The following GPC4 variants were observed in gnomAD, a reference collection of about 807,000 sequenced individuals.
GPC4 encodes the protein glypican-4.
GPC4 carries 10 observed loss-of-function variants against 35.0 expected under a neutral mutation model. That is an observed-to-expected ratio of 0.29 (90% CI 0.18 to 0.48). GPC4 has a LOEUF of 0.48. Among genes scored for constraint, GPC4 ranks in the 20% least tolerant of loss-of-function variants. The pLI is 0.99. For synonymous variants in GPC4, 167 were observed against 170.2 expected, an observed-to-expected ratio of 0.98 and a Z score of 0.15; for missense variants, 322 against 451.3, an observed-to-expected ratio of 0.71 and a Z score of 2.60.
At chrX:133,333,021 G>A (rs1170776436) in intron 2 of GPC4, among the ~76,000 whole-genome samples, 1 of 112,220 alleles carries the variant, frequency 8.9e-6, no homozygotes, top group Non-Finnish European at 1.9e-5. Flanking sequence ...CCATTGCTCT[G>A]CTAATTCTTT....
intron 3 of GPC4, among the ~76,000 whole-genome samples, chrX:133,323,609 A>T (rs1381225397): frequency 1.8e-5 from 2 of 112,834 alleles, no homozygotes; most frequent in Non-Finnish European, 3.7e-5. Context: ...GTAATTCTGC[A>T]GAGTCATGAG....
At position 133,335,443 on chromosome X, in the gene GPC4, G is replaced by T. The variant is rs754674224; in HGVS notation, c.319+3740C>A. On this transcript the variant is annotated intron_variant, in intron 2 of 8. Transcript: ENST00000370828. ...GTTCTCTTGTACGTCACCCAAATCCGAACACACACACACATACACACACAC... is the reference window on the plus strand; with the variant it reads ...GTTCTCTTGTACGTCACCCAAATCCTAACACACACACACATACACACACAC... Among the ~76,000 whole-genome samples, 3 of 110,545 alleles carry T rather than the reference G, an allele frequency of 2.7e-5. No individual in the cohort carries two copies. In the South Asian group the frequency reaches 1.2e-3, roughly 44 times the overall value.
chrX:133,317,813 T>G (rs972587059), intron 3 of GPC4, among the ~76,000 whole-genome samples: 1 of 111,659 alleles, frequency 9.0e-6, no homozygotes, highest in Admixed American at 9.5e-5. Context: ...TGCCATGGGA[T>G]GTGATGAGTT....
At chrX:133,397,983 G>C (rs2068751894) in intron 1 of GPC4, among the ~76,000 whole-genome samples, 1 of 111,610 alleles carries the variant, frequency 9.0e-6, no homozygotes, top group Non-Finnish European at 1.9e-5. Flanking sequence ...AGAATCACTT[G>C]AACCCAGGAT....
chrX:133,309,513 C>A (rs889980378), intron 4 of GPC4, among the ~76,000 whole-genome samples: 1 of 112,731 alleles, frequency 8.9e-6, no homozygotes, highest in African/African-American at 3.2e-5. Context: ...ATAGTTGCTG[C>A]TAGACATGTT....
intron 1 of GPC4, among the ~76,000 whole-genome samples, chrX:133,347,027 ATAT>A (rs373313840): frequency 7.2e-5 from 8 of 111,002 alleles, no homozygotes; most frequent in African/African-American, 2.6e-4. Flanking sequence ...ATTATTTGTT[ATAT>A]TAACTATATC....
intron 3 of GPC4, among the ~76,000 whole-genome samples, chrX:133,322,496 G>T (rs1424443085): frequency 9.3e-6 from 1 of 107,129 alleles, no homozygotes; most frequent in Admixed American, 1.0e-4. Flanking sequence ...GGAAGTGGAG[G>T]TTGCAGTGAG....
At chrX:133,351,207 G>A (rs1410108826) in intron 1 of GPC4, among the ~76,000 whole-genome samples, 1 of 111,616 alleles carries the variant, frequency 9.0e-6, no homozygotes, top group Non-Finnish European at 1.9e-5. Flanking sequence ...ATTTTGGAGT[G>A]AAAGCCACTA....
intron 1 of GPC4, among the ~76,000 whole-genome samples, chrX:133,373,558 G>C (rs1017606931): frequency 3.2e-4 from 36 of 111,571 alleles, no homozygotes; most frequent in African/African-American, 1.1e-3. Flanking sequence ...TCAGCGCTGA[G>C]GTTACAAAAT....
rs1434885853 is a variant in GPC4, at chrX:133,304,752, T to C, written c.1265A>G (p.Asp422Gly). 1 of 1,211,731 alleles carries C rather than the reference T, an allele frequency of 8.3e-7. No homozygotes were observed. Among genetic ancestry groups the C allele is most frequent in the African/African-American group, 1.7e-5 (1 of 57,822 alleles). Residue 422 changes from aspartate (D) to glycine (G), a missense_variant, in exon 7 of 9, where the codon GAC (aspartate) becomes GGC (glycine). By Grantham distance (94) the Asp-to-Gly change is moderately conservative. Around this residue, in one of 3 missense-constraint regions of GPC4, gnomAD observed 99 missense variants for 110.0 expected, o/e 0.90. Transcript: ENST00000370828. ...RMAAGNGNED[D>G]CWNGKGKSRY... Reference sequence around the variant, plus strand: ...GCTTTTGCCTTTCCCATTCCAACAGTCATCCTCATTGCCGTTTCCTGCAGC... The same window carrying C: ...GCTTTTGCCTTTCCCATTCCAACAGCCATCCTCATTGCCGTTTCCTGCAGC...
In GPC4 at chrX:133,368,140, T is replaced by G. The variant is rs369071391; in HGVS notation, c.161-28799A>C. 3.9e-4 allele frequency among the ~76,000 whole-genome samples: 44 copies of G among 111,906 alleles called. No individual in the cohort carries two copies. The East Asian group carries it at 0.011, about 29-fold the overall frequency. ...CTTTTTTAAAAATGTAAAAAGAAAA[T>G]TATCTATTTGCTGAGATTCTTTTGA... On this transcript the variant is annotated intron_variant, in intron 1 of 8. Transcript: ENST00000370828.
At chrX:133,373,320 C>A (rs2068621136) in intron 1 of GPC4, among the ~76,000 whole-genome samples, 1 of 111,034 alleles carries the variant, frequency 9.0e-6, no homozygotes, top group Admixed American at 9.6e-5. Context: ...ATGGGATGCA[C>A]CTAGAATTTA....
At chrX:133,356,958 A>T (rs1428656416) in intron 1 of GPC4, among the ~76,000 whole-genome samples, 3 of 111,795 alleles carry the variant, frequency 2.7e-5, no homozygotes, top group African/African-American at 9.8e-5. Context: ...GTGGGAAATT[A>T]GCTATAAATG....
rs1007976411 is a variant in GPC4, at chrX:133,388,948, T to C, written c.160+25858A>G. 7.3e-5 allele frequency among the ~76,000 whole-genome samples: 6 copies of C among 82,035 alleles called. No homozygotes were observed. In the East Asian group the frequency reaches 1.2e-3, roughly 17 times the overall value. 71.2% of individuals were successfully genotyped at this position (82,035 alleles called of 115,157 possible). Reference sequence around the variant, plus strand: ...GCCTCAGCACCAGCACAGCTACCCATAGCCTTTTTTTTTTTTTTTTTTTTT... The same window carrying C: ...GCCTCAGCACCAGCACAGCTACCCACAGCCTTTTTTTTTTTTTTTTTTTTT... On this transcript the variant is annotated intron_variant, in intron 1 of 8. Transcript: ENST00000370828.
intron 3 of GPC4, among the ~76,000 whole-genome samples, chrX:133,323,293 A>C (rs551116382): frequency 8.1e-4 from 91 of 111,750 alleles, no homozygotes; most frequent in African/African-American, 2.7e-3. Context: ...AGCCTGAACA[A>C]CATGGTGAAA....
At chrX:133,320,315 A>G (rs991625717) in intron 3 of GPC4, among the ~76,000 whole-genome samples, 2 of 111,908 alleles carry the variant, frequency 1.8e-5, no homozygotes, top group Non-Finnish European at 3.8e-5. Flanking sequence ...AAAAATTGTT[A>G]GGGTTATATT....
At position 133,300,299 on chromosome X, in the gene GPC4, A is replaced by G. The variant is rs1306854521; in HGVS notation, c.*2568T>C. On this transcript the variant is annotated 3_prime_UTR_variant, in exon 9 of 9. Coordinates refer to ENST00000370828, the MANE Select transcript of GPC4 (RefSeq NM_001448.3). ...TAAAATATAAATCTAAGAGTTGTAA[A>G]ATCTTTAAGGTACAGAGTAGGTGAT... is the stretch of plus-strand genomic sequence containing the variant. 3 of 112,458 alleles carry G rather than the reference A, an allele frequency of 2.7e-5. No homozygotes were observed. The highest frequency in any genetic ancestry group is 9.5e-5 in the Admixed American group (1 of 10,581). The allele number at this position is 112,458 out of a possible 1,213,427, so 9.3% of individuals were successfully genotyped here.
chrX:133,414,520 G>C, intron 1 of GPC4: 2 of 754,496 alleles, frequency 2.7e-6, no homozygotes, highest in African/African-American at 2.3e-5. Flanking sequence ...AGGGGGGAGA[G>C]GAGGAGCGGA....
At chrX:133,322,520 A>C (rs1363196557) in intron 3 of GPC4, among the ~76,000 whole-genome samples, 4 of 106,291 alleles carry the variant, frequency 3.8e-5, no homozygotes, top group African/African-American at 1.4e-4. Context: ...AGATCTCGCC[A>C]CTGCACTCAA....
Sources: allele counts gnomAD v4.1 joint callset (sites outside exome capture counted in the v4.1 genomes callset), GRCh38; gene constraint gnomAD v4.1.1; regional missense constraint gnomAD v4.1.1; transcripts MANE v1.5; gene names NCBI Gene and HGNC (gene_info 2026-07-23, HGNC 2026-07-21).